SGCZ: variants seen among roughly 807,000 people sequenced by gnomAD.
SGCZ encodes the protein zeta-sarcoglycan.
SGCZ carries 40 observed loss-of-function variants against 41.3 expected under a neutral mutation model. That is an observed-to-expected ratio of 0.97 (90% CI 0.75 to 1.26). SGCZ has a LOEUF of 1.26. Ranked by LOEUF, SGCZ falls within the 50% of genes most tolerant of loss-of-function variation. The probability of loss-of-function intolerance (pLI) is 0.00; values close to 1 mark genes in which losing one functional copy is unlikely to be tolerated. For missense variants in SGCZ, 552 were observed against 369.8 expected (o/e 1.49, Z -4.04); for synonymous variants, 206 against 137.5 (o/e 1.50, Z -3.49).
At chr8:14,593,615 A>G (rs1407497174) in intron 1 of SGCZ, among the ~76,000 whole-genome samples, 1 of 152,202 alleles carries the variant, frequency 6.6e-6, no homozygotes, top group Non-Finnish European at 1.5e-5. Flanking sequence ...AGTGTTTCCA[A>G]AATATTAGGA....
At chr8:14,340,535 T>C (rs565892177) in intron 2 of SGCZ, among the ~76,000 whole-genome samples, 57 of 152,272 alleles carry the variant, frequency 3.7e-4, no homozygotes, top group African/African-American at 1.3e-3. Context: ...TTCCTTGTCT[T>C]TTTATCTCCA....
chr8:14,403,505 T>C (rs1329885011), intron 2 of SGCZ, among the ~76,000 whole-genome samples: 1 of 152,044 alleles, frequency 6.6e-6, no homozygotes, highest in East Asian at 1.9e-4. Flanking sequence ...ATGAAGGTTG[T>C]TGAATTTTGT....
chr8:14,569,649 G>T (rs1804490754), intron 1 of SGCZ, among the ~76,000 whole-genome samples: 1 of 152,174 alleles, frequency 6.6e-6, no homozygotes, highest in African/African-American at 2.4e-5. Context: ...CATATGGTAA[G>T]TGAGATGTTA....
chr8:14,939,946 T>C (rs1187601277), intron 1 of SGCZ, among the ~76,000 whole-genome samples: 2 of 152,180 alleles, frequency 1.3e-5, no homozygotes, highest in Admixed American at 6.5e-5. Flanking sequence ...AATGGGGCTG[T>C]TCTTTCATTG....
At chr8:14,773,771 G>C (rs565564746) in intron 1 of SGCZ, among the ~76,000 whole-genome samples, 2 of 152,158 alleles carry the variant, frequency 1.3e-5, no homozygotes, top group Admixed American at 6.5e-5. Flanking sequence ...AGTCAGCAGA[G>C]ACTCTTAACC....
intron 1 of SGCZ, among the ~76,000 whole-genome samples, chr8:14,866,713 G>T (rs1803945158): frequency 6.6e-6 from 1 of 152,034 alleles, no homozygotes; most frequent in African/African-American, 2.4e-5. Flanking sequence ...TAGAGGTTGA[G>T]GTGGGAGGAT....
intron 1 of SGCZ, among the ~76,000 whole-genome samples, chr8:14,947,651 G>A (rs1197936467): frequency 6.6e-6 from 1 of 152,144 alleles, no homozygotes; most frequent in Non-Finnish European, 1.5e-5. Flanking sequence ...ATGAGCAAGA[G>A]CAAATATCAT....
intron 1 of SGCZ, among the ~76,000 whole-genome samples, chr8:14,719,047 T>C (rs1041324873): frequency 2.4e-4 from 32 of 133,050 alleles, no homozygotes; most frequent in Admixed American, 2.5e-4. Flanking sequence ...TGTTCCCCTT[T>C]CTGTGTCCGT....
At chr8:14,947,548 G>T (rs1172962940) in intron 1 of SGCZ, among the ~76,000 whole-genome samples, 2 of 152,162 alleles carry the variant, frequency 1.3e-5, no homozygotes, top group African/African-American at 4.8e-5. Context: ...AGGAGAGTCA[G>T]CATCACTTTA....
chr8:14,783,577 A>T (rs1045557838), intron 1 of SGCZ, among the ~76,000 whole-genome samples: 9 of 151,706 alleles, frequency 5.9e-5, no homozygotes, highest in Non-Finnish European at 1.2e-4. Flanking sequence ...TAACATAATA[A>T]TTTTTTTTTC....
rs920825669 is a variant in SGCZ at position 14,530,999 on chromosome 8, T to C, written c.234+23733A>G. Among the ~76,000 whole-genome samples, 20 of 152,126 alleles carry C rather than the reference T, an allele frequency of 1.3e-4. 1 individual carries two copies. The highest frequency in any genetic ancestry group is 3.4e-3 in the Middle Eastern group (1 of 294). On this transcript the variant is annotated intron_variant, in intron 2 of 7. Transcript: ENST00000382080. Reference sequence around the variant, plus strand: ...GACAGGGAGGGGTTCCTGGTGAAACTTGACCTTCAAGTCAAGGACAGTGTG... The same window carrying C: ...GACAGGGAGGGGTTCCTGGTGAAACCTGACCTTCAAGTCAAGGACAGTGTG...
At chr8:14,251,624 AT>A (rs1234023993) in intron 3 of SGCZ, among the ~76,000 whole-genome samples, 1 of 152,164 alleles carries the variant, frequency 6.6e-6, no homozygotes, top group African/African-American at 2.4e-5. Context: ...AACCCATAAC[AT>A]TTTCAAAACA....
At chr8:14,899,029 G>C (rs772474993) in intron 1 of SGCZ, among the ~76,000 whole-genome samples, 1 of 152,050 alleles carries the variant, frequency 6.6e-6, no homozygotes, top group African/African-American at 2.4e-5. Context: ...ACTTTTTACC[G>C]TGTTAGAGTT....
In SGCZ at chr8:14,527,942, C is replaced by T. The variant is rs182086772; in HGVS notation, c.234+26790G>A. ...GGGAGTAATACCATGCAAAAACATA[C>T]TGTGAGCAGGAACACTTGTGAGTTT... On this transcript the variant is annotated intron_variant, in intron 2 of 7. Transcript: ENST00000382080. Among the ~76,000 whole-genome samples, 256 of 152,106 alleles carry T rather than the reference C, an allele frequency of 1.7e-3. 1 individual carries two copies. Among genetic ancestry groups the T allele is most frequent in the African/African-American group, 5.9e-3 (246 of 41,532 alleles).
Position 14,929,136 on chromosome 8 carries a change from C to T in SGCZ, c.39+308449G>A, listed in dbSNP as rs546346423. On this transcript the variant is annotated intron_variant, in intron 1 of 7. Transcript: ENST00000382080. ...CCTCCTGAGTAGCTGGGACTAGAAGCGTGCACCACCACGCCCAGCTAATTT... is the reference window on the plus strand; with the variant it reads ...CCTCCTGAGTAGCTGGGACTAGAAGTGTGCACCACCACGCCCAGCTAATTT... Among the ~76,000 whole-genome samples, 13 of 152,130 alleles carry T rather than the reference C, an allele frequency of 8.5e-5. No individual in the cohort carries two copies. In the East Asian group the frequency reaches 1.9e-3, roughly 23 times the overall value.
chr8:14,270,205 GTC>G (rs1250747649), intron 3 of SGCZ, among the ~76,000 whole-genome samples: 2 of 152,018 alleles, frequency 1.3e-5, no homozygotes, highest in Non-Finnish European at 2.9e-5. Flanking sequence ...GGTGACCCAT[GTC>G]TGTAATCCCA....
At chr8:14,734,756 T>C (rs1798975316) in intron 1 of SGCZ, among the ~76,000 whole-genome samples, 1 of 152,210 alleles carries the variant, frequency 6.6e-6, no homozygotes, top group African/African-American at 2.4e-5. Flanking sequence ...TTATTATTTT[T>C]AATGGTAATA....
intron 1 of SGCZ, among the ~76,000 whole-genome samples, chr8:15,211,892 G>A (rs926520652): frequency 6.6e-6 from 1 of 151,996 alleles, no homozygotes; most frequent in Non-Finnish European, 1.5e-5. Flanking sequence ...TCTTTGATTA[G>A]GGTTCACTTT....
At chr8:14,379,475 A>G (rs1483775338) in intron 2 of SGCZ, among the ~76,000 whole-genome samples, 1 of 152,170 alleles carries the variant, frequency 6.6e-6, no homozygotes, top group South Asian at 2.1e-4. Context: ...TCACAGGTAT[A>G]ATCTTGGGCA....
Sources: gnomAD v4.1 joint callset for allele counts (sites outside exome capture counted in the v4.1 genomes callset) on GRCh38, gnomAD v4.1.1 for gene constraint, MANE v1.5 for transcripts, NCBI Gene and HGNC (gene_info 2026-07-23, HGNC 2026-07-21) for gene names.